OSBPL6: variants seen among roughly 807,000 people sequenced by gnomAD.
The protein encoded by OSBPL6 is oxysterol binding protein like 6, also known as oxysterol-binding protein-related protein 6.
OSBPL6 carries 49 observed loss-of-function variants against 125.8 expected under a neutral mutation model. That is an observed-to-expected ratio of 0.39 (90% CI 0.31 to 0.49). The LOEUF is 0.49. Ranked by LOEUF, OSBPL6 falls within the 20% of genes least tolerant of loss-of-function variation. OSBPL6 has a pLI of 0.88. For missense variants in OSBPL6, 986 were observed against 1,135.4 expected, an observed-to-expected ratio of 0.87 and a Z score of 1.89; for synonymous variants, 394 against 391.8, an observed-to-expected ratio of 1.01 and a Z score of -0.07.
At chr2:178,247,037 C>T (rs903071968) in intron 1 of OSBPL6, among the ~76,000 whole-genome samples, 1 of 135,172 alleles carries the variant, frequency 7.4e-6, no homozygotes, top group Non-Finnish European at 1.5e-5. Context: ...TTATTGTGTA[C>T]TCAACTTCTC....
At chr2:178,330,422 G>GTGTT in intron 5 of OSBPL6, among the ~76,000 whole-genome samples, 1 of 152,328 alleles carries the variant, frequency 6.6e-6, no homozygotes, top group East Asian at 1.9e-4. Flanking sequence ...CAACCACCAT[G>GTGTT]TGTTTATTCA....
chr2:178,320,478 A>G (rs1688143582), intron 3 of OSBPL6: 1 of 1,444,078 alleles, frequency 6.9e-7, no homozygotes, highest in Non-Finnish European at 9.6e-7. Context: ...TAATTTTAGC[A>G]TTTGAGAGGA....
Position 178,284,985 on chromosome 2 carries a change from T to C in OSBPL6, c.-292T>C, listed in dbSNP as rs1201382179. 7.5e-6 allele frequency: 3 copies of C among 398,356 alleles called. No individual in the cohort carries two copies. Among genetic ancestry groups the C allele is most frequent in the Admixed American group, 4.4e-5 (1 of 22,704 alleles). 24.7% of individuals were successfully genotyped at this position (398,356 alleles called of 1,614,324 possible). On this transcript the variant is annotated 5_prime_UTR_variant, in exon 2 of 25. Coordinates refer to ENST00000190611, the MANE Select transcript of OSBPL6 (RefSeq NM_032523.4). ...GGATATTAAGGAGCCACCCCTATAA[T>C]TTACCCAGATAGCCCCAGCAAGGTC...
chr2:178,288,923 T>C (rs1684968474), intron 2 of OSBPL6, among the ~76,000 whole-genome samples: 1 of 151,920 alleles, frequency 6.6e-6, no homozygotes, highest in South Asian at 2.1e-4. Context: ...GTGCTGGGAT[T>C]ACAGGTGTGA....
intron 13 of OSBPL6, among the ~76,000 whole-genome samples, chr2:178,370,697 C>T (rs1030983928): frequency 4.6e-5 from 7 of 152,286 alleles, no homozygotes; most frequent in Admixed American, 4.6e-4. Flanking sequence ...CATACTTCCT[C>T]CTATCTCCAA....
chr2:178,229,168 G>C (rs1289380247), intron 1 of OSBPL6, among the ~76,000 whole-genome samples: 1 of 152,088 alleles, frequency 6.6e-6, no homozygotes, highest in African/African-American at 2.4e-5. Context: ...CCAGTCTCTT[G>C]AGAATGTGAC....
chr2:178,386,850 TTTTGTTTG>T (rs199800130), intron 19 of OSBPL6, among the ~76,000 whole-genome samples: 9 of 151,234 alleles, frequency 6.0e-5, no homozygotes, highest in Non-Finnish European at 1.0e-4. Context: ...TTTTTTTTAG[TTTTGTTTG>T]TTTGTTTGTT....
intron 4 of OSBPL6, among the ~76,000 whole-genome samples, chr2:178,326,278 G>T (rs1688690032): frequency 6.6e-6 from 1 of 152,068 alleles, no homozygotes. Flanking sequence ...GAAAGGAAAT[G>T]TCTCTGTTTT....
intron 9 of OSBPL6, among the ~76,000 whole-genome samples, chr2:178,338,276 T>C (rs2154081146): frequency 6.6e-6 from 1 of 151,768 alleles, no homozygotes; most frequent in East Asian, 1.9e-4. Flanking sequence ...AAAGGTCAGT[T>C]TTTTTTTTAA....
At chr2:178,366,588 A>G (rs988762507) in intron 13 of OSBPL6, among the ~76,000 whole-genome samples, 5 of 152,230 alleles carry the variant, frequency 3.3e-5, no homozygotes, top group African/African-American at 9.6e-5. Context: ...GTGGGGGGAA[A>G]TGTGCATCTT....
Position 178,267,373 on chromosome 2 carries a change from AAAC to A in OSBPL6, c.-350-17551_-350-17549del, listed in dbSNP as rs1284652483. Among the ~76,000 whole-genome samples, 740 of 150,464 alleles carry A rather than the reference AAAC, an allele frequency of 4.9e-3. 9 individuals carry two copies. The highest frequency in any genetic ancestry group is 0.018 in the African/African-American group (717 of 40,494). ...CATCTCAAAAAAAAAAAAAAAAAAA[AAAC>A]AAAACAAGGTTTATCATTTTCTTCA... On this transcript the variant is annotated intron_variant, in intron 1 of 24. Transcript: ENST00000190611.
At chr2:178,267,371 A>C (rs571909405) in intron 1 of OSBPL6, among the ~76,000 whole-genome samples, 4,483 of 150,614 alleles carry the variant, frequency 0.03, 112 homozygotes, top group East Asian at 0.069. Flanking sequence ...AAAAAAAAAA[A>C]AAAACAAAAC....
rs1413089063 is a variant in OSBPL6, at chr2:178,332,582, A to T, written c.373-59A>T. 7 of 1,245,468 alleles carry T rather than the reference A, an allele frequency of 5.6e-6. No individual in the cohort carries two copies. The Admixed American group carries it at 1.1e-4, about 19-fold the overall frequency. The allele number at this position is 1,245,468 out of a possible 1,614,324, so 77.2% of individuals were successfully genotyped here. On this transcript the variant is annotated intron_variant, in intron 6 of 24. Transcript: ENST00000190611. ...GATTACTTTGAGTTCACTTAAATAC[A>T]GTACAGAAACATCAAATCATATATC... is the stretch of plus-strand genomic sequence containing the variant.
chr2:178,293,836 G>C (rs957319856), intron 2 of OSBPL6, among the ~76,000 whole-genome samples: 8 of 151,734 alleles, frequency 5.3e-5, no homozygotes, highest in Non-Finnish European at 1.2e-4. Context: ...AGGCACAACA[G>C]CAATTTAATG....
Position 178,389,141 on chromosome 2 carries a change from C to A in OSBPL6, c.2289C>A (p.Leu763=). ...NTKSSVCICK[L]TFVKVNYWNS... ...AAAGCAGTGTTTGCATTTGCAAACT[C>A]ACATTTGTCAAGGTAAATACTATCA... The change falls in exon 21 of 25, where the codon CTC becomes CTA. Residue 763 remains leucine, a synonymous_variant. Transcript: ENST00000190611. The A allele has an allele frequency of 6.2e-7, 1 of 1,613,378 alleles. No individual in the cohort carries two copies. Among genetic ancestry groups the A allele is most frequent in the Non-Finnish European group, 8.5e-7 (1 of 1,179,836 alleles).
At chr2:178,362,629 G>T (rs937740650) in intron 13 of OSBPL6, among the ~76,000 whole-genome samples, 1 of 152,180 alleles carries the variant, frequency 6.6e-6, no homozygotes, top group Admixed American at 6.5e-5. Flanking sequence ...CAAATCCTGG[G>T]TAAGTGGTTC....
Position 178,383,047 on chromosome 2 carries a change from G to A in OSBPL6, c.1645G>A (p.Gly549Arg). Residue 549 changes from glycine (G) to arginine (R), a missense_variant, in exon 17 of 25, where the codon GGG becomes AGG. Physicochemically the swap from Gly to Arg is moderately radical, Grantham distance 125 (BLOSUM62 -2). This residue lies in a region of OSBPL6 where 843 missense variants were observed against 997.3 expected (regional missense o/e 0.85). Transcript: ENST00000190611. The part of the protein sequence containing the change: ...RQILNGELTG[G>R]AFRNGRRACL... Reference sequence around the variant, plus strand: ...AGTCCTGAATGGGGAGCTTACAGGAGGGGCCTTCCGAAATGGGCGTCGAGC... The same window carrying A: ...AGTCCTGAATGGGGAGCTTACAGGAAGGGCCTTCCGAAATGGGCGTCGAGC... The A allele has an allele frequency of 6.2e-7, 1 of 1,614,186 alleles. No homozygotes were observed. The highest frequency in any genetic ancestry group is 1.1e-5 in the South Asian group (1 of 91,078).
At chr2:178,344,676 T>TTC (rs397690494) in intron 11 of OSBPL6, among the ~76,000 whole-genome samples, 1 of 151,994 alleles carries the variant, frequency 6.6e-6, no homozygotes, top group Non-Finnish European at 1.5e-5. Flanking sequence ...TGTTTTTTTT[T>TTC]CTTTTTGACC....
At chr2:178,276,074 A>G (rs1422645614) in intron 1 of OSBPL6, among the ~76,000 whole-genome samples, 1 of 152,212 alleles carries the variant, frequency 6.6e-6, no homozygotes, top group African/African-American at 2.4e-5. Flanking sequence ...GTAAGCTTTG[A>G]TGATAGGATT....
Sources: gnomAD v4.1 joint callset for allele counts (sites outside exome capture counted in the v4.1 genomes callset) on GRCh38, gnomAD v4.1.1 for gene constraint, gnomAD v4.1.1 regional missense constraint, MANE v1.5 for transcripts, NCBI Gene and HGNC (gene_info 2026-07-23, HGNC 2026-07-21) for gene names.